The following MTMR12 variants were observed in gnomAD, a reference collection of about 807,000 sequenced individuals.
MTMR12 encodes myotubularin related protein 12.
Under a neutral mutation model 96.7 loss-of-function variants are expected in MTMR12, and 33 were observed. The ratio of observed to expected loss-of-function variants is 0.34; its 90% CI spans 0.26 to 0.46. MTMR12 has a LOEUF of 0.46. MTMR12 is among the 20% of genes least tolerant of loss of function. MTMR12 has a pLI of 1.00. For missense variants in MTMR12, 721 were observed against 896.1 expected, an observed-to-expected ratio of 0.80 and a Z score of 2.49; for synonymous variants, 298 against 327.2, an observed-to-expected ratio of 0.91 and a Z score of 0.96.
intron 11 of MTMR12, among the ~76,000 whole-genome samples, chr5:32,242,958 G>C (rs2112006721): frequency 6.6e-6 from 1 of 152,160 alleles, no homozygotes; most frequent in African/African-American, 2.4e-5. Flanking sequence ...TAGCATTAGA[G>C]CTACTCTGTC....
intron 10 of MTMR12, among the ~76,000 whole-genome samples, chr5:32,244,195 C>T (rs1415667396): frequency 6.6e-6 from 1 of 151,684 alleles, no homozygotes; most frequent in Admixed American, 6.6e-5. Context: ...AGGAAGATCA[C>T]TTGAGGCCAG....
chr5:32,310,488 T>C (rs1477614860), intron 1 of MTMR12, among the ~76,000 whole-genome samples: 1 of 152,262 alleles, frequency 6.6e-6, no homozygotes, highest in Non-Finnish European at 1.5e-5. Flanking sequence ...AATAAGATCC[T>C]GTCATTTGTA....
At chr5:32,294,180 A>G (rs1328161311) in intron 1 of MTMR12, among the ~76,000 whole-genome samples, 1 of 152,090 alleles carries the variant, frequency 6.6e-6, no homozygotes, top group Non-Finnish European at 1.5e-5. Context: ...TCCACTGTCC[A>G]CACAGTTCAG....
At chr5:32,279,311 C>G (rs750342094) in intron 1 of MTMR12, among the ~76,000 whole-genome samples, 5 of 151,514 alleles carry the variant, frequency 3.3e-5, no homozygotes, top group Admixed American at 6.6e-5. Flanking sequence ...TCCCAGGTAC[C>G]TGGGAGGCTG....
chr5:32,284,753 T>C (rs1750458016), intron 1 of MTMR12, among the ~76,000 whole-genome samples: 2 of 152,176 alleles, frequency 1.3e-5, no homozygotes, highest in Non-Finnish European at 2.9e-5. Context: ...TTCCACTAAC[T>C]ATCATGTTCA....
At chr5:32,288,867 G>T (rs1341924998) in intron 1 of MTMR12, among the ~76,000 whole-genome samples, 2 of 152,152 alleles carry the variant, frequency 1.3e-5, no homozygotes, top group Non-Finnish European at 2.9e-5. Context: ...TGGTGGAGTG[G>T]ATTAGGCACT....
intron 1 of MTMR12, among the ~76,000 whole-genome samples, chr5:32,288,643 T>C (rs1750637325): frequency 6.6e-6 from 1 of 152,192 alleles, no homozygotes; most frequent in African/African-American, 2.4e-5. Flanking sequence ...GAACATAGAG[T>C]TGGATCAGGC....
At chr5:32,236,838 C>CAA (rs111843533) in intron 13 of MTMR12, among the ~76,000 whole-genome samples, 16 of 117,284 alleles carry the variant, frequency 1.4e-4, no homozygotes, top group African/African-American at 2.4e-4. Flanking sequence ...ACTCCTTCTC[C>CAA]AAAAAAAAAA....
At chr5:32,248,920 A>C in intron 8 of MTMR12, 42 bp from the exon 9 acceptor site, 1 of 1,454,682 alleles carries the variant, frequency 6.9e-7, no homozygotes, top group Non-Finnish European at 9.7e-7. Flanking sequence ...AATAAACACA[A>C]CCCAACAGGG....
chr5:32,241,283 T>G (rs531443588), intron 12 of MTMR12, among the ~76,000 whole-genome samples: 2 of 152,196 alleles, frequency 1.3e-5, no homozygotes, highest in African/African-American at 4.8e-5. Flanking sequence ...GCCCTGCACA[T>G]GGCAGAGGCT....
At chr5:32,295,285 T>C (rs1360739819) in intron 1 of MTMR12, among the ~76,000 whole-genome samples, 2 of 152,220 alleles carry the variant, frequency 1.3e-5, no homozygotes, top group African/African-American at 4.8e-5. Context: ...ACAATTACTC[T>C]GACAACAAAC....
chr5:32,290,809 G>A (rs1581637768), intron 1 of MTMR12, among the ~76,000 whole-genome samples: 1 of 152,274 alleles, frequency 6.6e-6, no homozygotes, highest in South Asian at 2.1e-4. Context: ...CAGGATTTTG[G>A]AGCAAGGCCC....
At chr5:32,306,186 G>A (rs1425253871) in intron 1 of MTMR12, among the ~76,000 whole-genome samples, 2 of 151,874 alleles carry the variant, frequency 1.3e-5, no homozygotes, top group African/African-American at 4.8e-5. Context: ...TAAGAGAATG[G>A]GCCCCGAGAT....
chr5:32,231,491 C>T (rs1747996134), intron 15 of MTMR12, among the ~76,000 whole-genome samples: 1 of 151,736 alleles, frequency 6.6e-6, no homozygotes, highest in Non-Finnish European at 1.5e-5. Flanking sequence ...AGCTGTTTGT[C>T]CAGCTCTTTT....
At chr5:32,289,001 T>C (rs1581636327) in intron 1 of MTMR12, among the ~76,000 whole-genome samples, 1 of 152,202 alleles carries the variant, frequency 6.6e-6, no homozygotes, top group Non-Finnish European at 1.5e-5. Context: ...TGTCTCTGTA[T>C]GTCAAATCTA....
rs1477446310 is a variant in MTMR12 at position 32,241,033 on chromosome 5, G to GTCT, written c.1171+1023_1171+1024insAGA. Among the ~76,000 whole-genome samples the GTCT allele has an allele frequency of 4.5e-4, 69 of 152,282 alleles. 1 individual carries two copies. The East Asian group carries it at 9.8e-3, about 22-fold the overall frequency. On this transcript the variant is annotated intron_variant, in intron 12 of 15. Coordinates refer to ENST00000382142, the MANE Select transcript of MTMR12 (RefSeq NM_001040446.3). ...ATTCAGTAGTCCATCCAGGAGTGAAGGATTTCTCAGTTCTATCAGTCAAAG... is the reference window on the plus strand; with the variant it reads ...ATTCAGTAGTCCATCCAGGAGTGAAGTCTGATTTCTCAGTTCTATCAGTCAAAG...
At chr5:32,253,310 A>C (rs78898472) in intron 8 of MTMR12, among the ~76,000 whole-genome samples, 2,138 of 152,346 alleles carry the variant, frequency 0.014, 55 homozygotes, top group African/African-American at 0.049. Flanking sequence ...TACTGTGTAC[A>C]TTTAAAAGGA....
intron 3 of MTMR12, among the ~76,000 whole-genome samples, chr5:32,273,418 C>G (rs1389845431): frequency 6.6e-6 from 1 of 152,050 alleles, no homozygotes; most frequent in Non-Finnish European, 1.5e-5. Flanking sequence ...ACAGAGTGAA[C>G]CCAAATTCAA....
At chr5:32,303,762 AAGCCAAGATCTC>A (rs1323981195) in intron 1 of MTMR12, among the ~76,000 whole-genome samples, 3 of 151,196 alleles carry the variant, frequency 2.0e-5, no homozygotes, top group Admixed American at 6.6e-5. Flanking sequence ...CATCCTAACA[AAGCCAAGATCTC>A]AGCTTGAGCC....
Sources: gnomAD v4.1 joint callset for allele counts (sites outside exome capture counted in the v4.1 genomes callset) on GRCh38, gnomAD v4.1.1 for gene constraint, MANE v1.5 for transcripts, NCBI Gene and HGNC (gene_info 2026-07-23, HGNC 2026-07-21) for gene names.